DHX35: variants seen among roughly 807,000 people sequenced by gnomAD.
DHX35 encodes probable ATP-dependent RNA helicase DHX35.
In DHX35, 84 loss-of-function variants were observed where a neutral mutation model predicts 99.6. The ratio of observed to expected loss-of-function variants is 0.84; its 90% confidence interval spans 0.71 to 1.01. The LOEUF is 1.01. DHX35 is among the 50% of genes least tolerant of loss of function. The pLI, the probability that DHX35 is intolerant of heterozygous loss-of-function variation, is 0.00. For synonymous variants in DHX35, 331 were observed against 316.2 expected (o/e 1.05, Z -0.50); for missense variants, 852 against 888.5 (o/e 0.96, Z 0.52).
At chr20:38,973,836 C>A (rs1417098762) in intron 3 of DHX35, among the ~76,000 whole-genome samples, 1 of 152,212 alleles carries the variant, frequency 6.6e-6, no homozygotes, top group African/African-American at 2.4e-5. Flanking sequence ...CTACGATCCT[C>A]AAAACCTAAA....
At chr20:39,011,974 G>A (rs1244719111) in intron 13 of DHX35, among the ~76,000 whole-genome samples, 1 of 152,188 alleles carries the variant, frequency 6.6e-6, no homozygotes. Flanking sequence ...CAGGCTGAGC[G>A]TGGTGGCTTA....
intron 11 of DHX35, among the ~76,000 whole-genome samples, chr20:39,005,371 C>T (rs993037383): frequency 6.6e-6 from 1 of 152,184 alleles, no homozygotes; most frequent in Non-Finnish European, 1.5e-5. Flanking sequence ...GCTGTTTCTC[C>T]TTCCTTTGAA....
intron 18 of DHX35, among the ~76,000 whole-genome samples, chr20:39,027,682 A>T (rs963502331): frequency 2.0e-5 from 3 of 152,232 alleles, no homozygotes; most frequent in South Asian, 2.1e-4. Flanking sequence ...TGTAAGAAAC[A>T]TCGTTATTTT....
chr20:39,000,053 G>T (rs1321352171), intron 8 of DHX35, among the ~76,000 whole-genome samples: 1 of 152,212 alleles, frequency 6.6e-6, no homozygotes, highest in Non-Finnish European at 1.5e-5. Flanking sequence ...GAGATGAGGA[G>T]GCCTAGACCT....
At chr20:39,000,542 T>C (rs1291958335) in intron 8 of DHX35, among the ~76,000 whole-genome samples, 1 of 152,240 alleles carries the variant, frequency 6.6e-6, no homozygotes, top group East Asian at 1.9e-4. Flanking sequence ...GGCACTTTGA[T>C]GTCTGTGCTT....
rs532633374 is a variant in DHX35, at chr20:38,998,643, A to G, written c.643-3087A>G. Among the ~76,000 whole-genome samples the G allele has an allele frequency of 6.4e-4, 98 of 152,246 alleles. 2 individuals carry two copies. Among genetic ancestry groups the G allele is most frequent in the African/African-American group, 2.3e-3 (95 of 41,530 alleles). ...AATTCTTCTTTTCTGGGTGTGTTGAACTTATTTTACTCTTCTTGTTCCTTG... is the reference window on the plus strand; with the variant it reads ...AATTCTTCTTTTCTGGGTGTGTTGAGCTTATTTTACTCTTCTTGTTCCTTG... On this transcript the variant is annotated intron_variant, in intron 8 of 21. Transcript: ENST00000252011.
At chr20:39,004,267 A>G (rs544133371) in intron 11 of DHX35, among the ~76,000 whole-genome samples, 132 of 151,894 alleles carry the variant, frequency 8.7e-4, no homozygotes, top group Admixed American at 2.3e-3. Flanking sequence ...GGGTTTCACT[A>G]AGTTAGCCAG....
intron 14 of DHX35, among the ~76,000 whole-genome samples, chr20:39,018,134 G>A (rs369291200): frequency 2.6e-5 from 4 of 152,068 alleles, no homozygotes; most frequent in South Asian, 4.1e-4. Context: ...ACTCGGCCCC[G>A]CCCTTGACAT....
At position 39,039,254 on chromosome 20, in the gene DHX35, G is replaced by C. The variant is rs2087207447; in HGVS notation, c.*711G>C. On this transcript the variant is annotated 3_prime_UTR_variant, in exon 22 of 22. Transcript: ENST00000252011. ...TCTCAGAGTGTAGTGCCAGGTCCTGGTGCCACGCTAGCTGAGCACTCAGGA... is the reference window on the plus strand; with the variant it reads ...TCTCAGAGTGTAGTGCCAGGTCCTGCTGCCACGCTAGCTGAGCACTCAGGA... 6.5e-6 allele frequency: 1 copy of C among 152,742 alleles called. No individual in the cohort carries two copies. Among genetic ancestry groups the C allele is most frequent in the Non-Finnish European group, 1.5e-5 (1 of 68,126 alleles). The allele number at this position is 152,742 out of a possible 1,614,324, so 9.5% of individuals were successfully genotyped here.
chr20:38,987,247 C>CT (rs1218037825), intron 4 of DHX35, among the ~76,000 whole-genome samples: 7 of 151,994 alleles, frequency 4.6e-5, no homozygotes, highest in Non-Finnish European at 8.8e-5. Context: ...TCTTTTCTTT[C>CT]TTTTTTTGTT....
chr20:39,039,601 G>A lies in DHX35; in HGVS notation c.*1058G>A, dbSNP rs1349991933. On this transcript the variant is annotated 3_prime_UTR_variant, in exon 22 of 22. Coordinates refer to ENST00000252011, the MANE Select transcript of DHX35 (RefSeq NM_021931.4). ...TTTATACTGATATTAGTTTGGATGT[G>A]CCACTTTTGGCACCAAACGTGTATG... is the stretch of plus-strand genomic sequence containing the variant. The A allele has an allele frequency of 1.3e-5, 2 of 152,080 alleles. No homozygotes were observed. Among genetic ancestry groups the A allele is most frequent in the Non-Finnish European group, 2.9e-5 (2 of 68,012 alleles). The allele number at this position is 152,080 out of a possible 1,614,324, so 9.4% of individuals were successfully genotyped here.
At chr20:38,962,600 G>T in intron 1 of DHX35, 193 bp downstream of exon 1, 1 of 641,390 alleles carries the variant, frequency 1.6e-6, no homozygotes, top group Non-Finnish European at 2.6e-6. Flanking sequence ...TGCTCCCCTA[G>T]CGTGAGCAGA....
intron 12 of DHX35, among the ~76,000 whole-genome samples, 187 bp from the exon 13 acceptor site, chr20:39,010,093 G>C (rs2086676520): frequency 6.6e-6 from 1 of 152,084 alleles, no homozygotes; most frequent in African/African-American, 2.4e-5. Context: ...ATTTATCTAA[G>C]GCATTTTAAA....
rs750739244 is a variant in DHX35, at chr20:38,994,898, C to G, written c.642+18C>G. 2 of 1,611,180 alleles carry G rather than the reference C, an allele frequency of 1.2e-6. No homozygotes were observed. The highest frequency in any genetic ancestry group is 2.2e-5 in the South Asian group (2 of 90,974). On this transcript the variant is annotated intron_variant, in intron 8 of 21. Coordinates refer to ENST00000252011, the MANE Select transcript of DHX35 (RefSeq NM_021931.4). ...ATGCAGACGTAAGAGCCTTGCCTCC[C>G]CTTTCCTCCTCTCCTCACAAACACT...
At chr20:39,012,565 T>C (rs1288637775) in intron 13 of DHX35, among the ~76,000 whole-genome samples, 1 of 152,058 alleles carries the variant, frequency 6.6e-6, no homozygotes, top group African/African-American at 2.4e-5. Flanking sequence ...AGTCTCTCTC[T>C]GTCACCCAGG....
chr20:38,992,954 C>A (rs974729028), intron 7 of DHX35, among the ~76,000 whole-genome samples: 2 of 152,136 alleles, frequency 1.3e-5, no homozygotes, highest in Admixed American at 6.5e-5. Context: ...TCATACATAT[C>A]CCAAAGAAGT....
intron 4 of DHX35, among the ~76,000 whole-genome samples, chr20:38,988,148 A>C (rs1454821198): frequency 6.6e-6 from 1 of 152,104 alleles, no homozygotes; most frequent in African/African-American, 2.4e-5. Flanking sequence ...TTAGAGCTGA[A>C]TTTGTGGCTC....
chr20:38,971,359 C>T (rs912999090), intron 2 of DHX35, among the ~76,000 whole-genome samples: 1 of 152,006 alleles, frequency 6.6e-6, no homozygotes, highest in African/African-American at 2.4e-5. Flanking sequence ...TCTCAAAAAA[C>T]AAAACAAAAC....
At chr20:38,983,590 T>C in intron 3 of DHX35, 109 bp from the exon 4 acceptor site, 1 of 799,406 alleles carries the variant, frequency 1.3e-6, no homozygotes, top group Non-Finnish European at 2.0e-6. Flanking sequence ...GGACAAGAAC[T>C]GTACTTTTTC....
Sources: allele counts gnomAD v4.1 joint callset (sites outside exome capture counted in the v4.1 genomes callset), GRCh38; gene constraint gnomAD v4.1.1; transcripts MANE v1.5; gene names NCBI Gene and HGNC (gene_info 2026-07-23, HGNC 2026-07-21).